Variants in CSE1L observed in about 807,000 individuals in gnomAD.
The protein encoded by CSE1L is exportin-2.
Under a neutral mutation model 120.4 loss-of-function variants are expected in CSE1L, and 24 were observed. That is an observed-to-expected ratio of 0.20 (90% CI 0.14 to 0.28). The LOEUF is 0.28. Ranked by LOEUF, CSE1L falls within the 10% of genes least tolerant of loss-of-function variation. The probability of loss-of-function intolerance (pLI) is 1.00; values close to 1 mark genes in which losing one functional copy is unlikely to be tolerated. For missense variants in CSE1L, 830 were observed against 1,145.2 expected, an observed-to-expected ratio of 0.72 and a Z score of 3.97; for synonymous variants, 402 against 398.3, an observed-to-expected ratio of 1.01 and a Z score of -0.11.
At chr20:49,053,513 C>T (rs1181957003) in intron 1 of CSE1L, among the ~76,000 whole-genome samples, 2 of 151,792 alleles carry the variant, frequency 1.3e-5, no homozygotes. Context: ...CATGTGCTAC[C>T]AGGCATGGCT....
In CSE1L at chr20:49,072,440, T is replaced by G; in HGVS notation, c.923T>G (p.Val308Gly). 1 of 1,613,966 alleles carries G rather than the reference T, an allele frequency of 6.2e-7. No individual in the cohort carries two copies. Among genetic ancestry groups the G allele is most frequent in the Non-Finnish European group, 8.5e-7 (1 of 1,179,892 alleles). ...WNLLVTTGQE[V>G]KYDLLVSNAI... ...TTACTAGTTACAACGGGTCAAGAGG[T>G]TAAATATGATTTGGTAAGATGATGG... The change falls in exon 9 of 25, where the codon GTT becomes GGT. Residue 308 changes from valine to glycine, a missense_variant. Physicochemically the swap from Val to Gly is moderately radical, Grantham distance 109. Transcript: ENST00000262982.
intron 2 of CSE1L, among the ~76,000 whole-genome samples, chr20:49,060,468 TCC>T (rs1240263839): frequency 7.2e-6 from 1 of 139,142 alleles, no homozygotes; most frequent in Admixed American, 7.5e-5. Context: ...AGAGCAAGAC[TCC>T]GTCTCAAAAG....
chr20:49,061,489 ATTTAT>A (rs1305645569), intron 2 of CSE1L, among the ~76,000 whole-genome samples: 8 of 76,698 alleles, frequency 1.0e-4, no homozygotes, highest in African/African-American at 6.2e-4. Flanking sequence ...TATTATTATT[ATTTAT>A]TTATTTATTT....
chr20:49,085,427 C>A (rs1256427355), intron 16 of CSE1L, 41 bp downstream of exon 16: 3 of 1,454,502 alleles, frequency 2.1e-6, no homozygotes, highest in Non-Finnish European at 1.9e-6. Flanking sequence ...GGTATCCAAT[C>A]TCAGATTGTA....
intron 14 of CSE1L, among the ~76,000 whole-genome samples, chr20:49,079,462 AG>A (rs68173985): frequency 0.36 from 54,282 of 151,048 alleles, 10,483 homozygotes; most frequent in African/African-American, 0.53. Context: ...TCCTGACCTC[AG>A]GTGATCCACC....
chr20:49,067,627 A>T (rs547035904), intron 6 of CSE1L, among the ~76,000 whole-genome samples: 1 of 152,088 alleles, frequency 6.6e-6, no homozygotes, highest in Non-Finnish European at 1.5e-5. Context: ...AGTTTAATTA[A>T]TTATATATTT....
chr20:49,070,475 T>C (rs974234141), intron 8 of CSE1L, among the ~76,000 whole-genome samples, 178 bp downstream of exon 8: 5 of 152,246 alleles, frequency 3.3e-5, no homozygotes, highest in African/African-American at 7.2e-5. Flanking sequence ...ATTACTCTTA[T>C]CATGGGCTTG....
In CSE1L at chr20:49,050,803, C is replaced by T. The variant is rs550967156; in HGVS notation, c.-12+4380C>T. 2.0e-5 allele frequency among the ~76,000 whole-genome samples: 3 copies of T among 152,138 alleles called. 1 individual carries two copies. Among genetic ancestry groups the T allele is most frequent in the East Asian group, 1.9e-4 (1 of 5,178 alleles). On this transcript the variant is annotated intron_variant, in intron 1 of 24. Coordinates refer to ENST00000262982, the MANE Select transcript of CSE1L (RefSeq NM_001316.4). Reference sequence around the variant, plus strand: ...TGAACGGTCCTTGGGGTCAAGTGATCGTCCCATCTCCACCTCCCAAAGTGC... The same window carrying T: ...TGAACGGTCCTTGGGGTCAAGTGATTGTCCCATCTCCACCTCCCAAAGTGC...
At chr20:49,091,757 C>T (rs1890568681) in intron 21 of CSE1L, among the ~76,000 whole-genome samples, 1 of 152,134 alleles carries the variant, frequency 6.6e-6, no homozygotes, top group African/African-American at 2.4e-5. Flanking sequence ...TTTGTGTTCT[C>T]CAAACATTAA....
At chr20:49,068,329 C>T (rs996481296) in intron 6 of CSE1L, among the ~76,000 whole-genome samples, 1 of 152,170 alleles carries the variant, frequency 6.6e-6, no homozygotes, top group Non-Finnish European at 1.5e-5. Context: ...TGGCTCACGC[C>T]TGTAATCCCA....
chr20:49,093,602 C>A (rs1600553430), intron 22 of CSE1L, among the ~76,000 whole-genome samples: 1 of 136,384 alleles, frequency 7.3e-6, no homozygotes, highest in Non-Finnish European at 1.6e-5. Context: ...TTGAGACTGG[C>A]CAGGTGTAAT....
In CSE1L at chr20:49,074,770, C is replaced by A; in HGVS notation, c.1067-15C>A. 6.2e-7 allele frequency: 1 copy of A among 1,605,338 alleles called. No homozygotes were observed. Among genetic ancestry groups the A allele is most frequent in the Non-Finnish European group, 8.5e-7 (1 of 1,175,916 alleles). ...TCTTTTGGAGTGTTATCTGAAATAT[C>A]ATCTCTCCTTGTAGCTGCTGATGAA... On this transcript the variant is annotated splice_polypyrimidine_tract_variant and intron_variant, in intron 10 of 24. Transcript: ENST00000262982.
In CSE1L at chr20:49,087,931, CT is replaced by C. The variant is rs921213556; in HGVS notation, c.1724-72del. ...AAAATTTAGTTGATGAATTAGTGCG[CT>C]TTTTTCCCCCCAGTCGCTCTCTTAT... On this transcript the variant is annotated intron_variant, in intron 16 of 24. Transcript: ENST00000262982. The C allele has an allele frequency of 3.8e-4, 358 of 943,758 alleles. 2 individuals are homozygous for C. The highest frequency in any genetic ancestry group is 1.1e-3 in the South Asian group (70 of 64,800). 58.5% of individuals were successfully genotyped at this position (943,758 alleles called of 1,614,324 possible). A position where few individuals can be genotyped will look rare whatever the true frequency, so the allele number is the denominator to read the frequency against.
intron 14 of CSE1L, among the ~76,000 whole-genome samples, chr20:49,081,397 C>T (rs185651970): frequency 1.8e-4 from 28 of 152,300 alleles, no homozygotes; most frequent in Non-Finnish European, 4.0e-4. Flanking sequence ...AGTCCTCCCA[C>T]TTTCAGCCTC....
intron 3 of CSE1L, among the ~76,000 whole-genome samples, chr20:49,065,312 A>ATTTTTTTTTTTTTTTTTT (rs1568769017): frequency 2.6e-4 from 21 of 79,414 alleles, no homozygotes; most frequent in Non-Finnish European, 3.9e-4. Context: ...ATGAAAAAAA[A>ATTTTTTTTTTTTTTTTTT]ATTTTTTTTT....
chr20:49,086,983 CAG>C (rs2092063869), intron 16 of CSE1L, among the ~76,000 whole-genome samples: 1 of 152,186 alleles, frequency 6.6e-6, no homozygotes, highest in South Asian at 2.1e-4. Context: ...ACATGATGTG[CAG>C]AGTTCAGGAG....
chr20:49,051,217 G>T (rs1334783611), intron 1 of CSE1L, among the ~76,000 whole-genome samples: 1 of 152,222 alleles, frequency 6.6e-6, no homozygotes, highest in East Asian at 1.9e-4. Flanking sequence ...GGATGGTGCA[G>T]CAAGGCATCT....
At chr20:49,080,157 A>T (rs1422418431) in intron 14 of CSE1L, among the ~76,000 whole-genome samples, 1 of 151,810 alleles carries the variant, frequency 6.6e-6, no homozygotes, top group Non-Finnish European at 1.5e-5. Context: ...GCTTGATTAG[A>T]CTTAGATTCC....
chr20:49,069,803 A>C (rs537157012), intron 7 of CSE1L, among the ~76,000 whole-genome samples: 15 of 152,248 alleles, frequency 9.9e-5, no homozygotes, highest in Admixed American at 1.3e-4. Flanking sequence ...AGGCAGTACT[A>C]TGCCACAAGA....
Sources: gnomAD v4.1 joint callset for allele counts (sites outside exome capture counted in the v4.1 genomes callset) on GRCh38, gnomAD v4.1.1 for gene constraint, MANE v1.5 for transcripts, NCBI Gene and HGNC (gene_info 2026-07-23, HGNC 2026-07-21) for gene names.